SLC24A3: variants seen among roughly 807,000 people sequenced by gnomAD.
The protein encoded by SLC24A3 is solute carrier family 24 member 3.
In SLC24A3, 28 loss-of-function variants were observed where a neutral mutation model predicts 75.8. The observed-to-expected ratio is 0.37, with a 90% CI of 0.27 to 0.51. The LOEUF (loss-of-function observed/expected upper bound fraction) is 0.51. SLC24A3 is among the 20% of genes least tolerant of loss of function. The pLI is 0.94. For synonymous variants in SLC24A3, 372 were observed against 334.1 expected (o/e 1.11, Z -1.24); for missense variants, 663 against 847.8 (o/e 0.78, Z 2.71).
intron 1 of SLC24A3, among the ~76,000 whole-genome samples, chr20:19,235,831 C>G (rs990054290): frequency 2.0e-5 from 3 of 152,212 alleles, no homozygotes; most frequent in African/African-American, 7.2e-5. Flanking sequence ...CAGCCTGCAC[C>G]TGGAGCCTCC....
At chr20:19,698,758 T>C (rs2032840079) in intron 15 of SLC24A3, 78 bp downstream of exon 15, 2 of 1,128,500 alleles carry the variant, frequency 1.8e-6, no homozygotes, top group Admixed American at 2.1e-5. Context: ...CCACAGGGTC[T>C]TTGTCTCGGG....
intron 2 of SLC24A3, among the ~76,000 whole-genome samples, chr20:19,513,146 G>A (rs571916861): frequency 6.6e-6 from 1 of 152,328 alleles, no homozygotes; most frequent in Admixed American, 6.5e-5. Flanking sequence ...CTCCAGGAGA[G>A]TGGCAGCTGA....
At chr20:19,443,577 T>G (rs1987329995) in intron 2 of SLC24A3, among the ~76,000 whole-genome samples, 1 of 152,198 alleles carries the variant, frequency 6.6e-6, no homozygotes. Flanking sequence ...TTGTTGTTGA[T>G]TCTTTGGAAT....
chr20:19,654,435 C>T (rs2032241871), intron 7 of SLC24A3, among the ~76,000 whole-genome samples: 2 of 151,874 alleles, frequency 1.3e-5, no homozygotes, highest in South Asian at 4.2e-4. Flanking sequence ...GCGTCCCTAG[C>T]TTTGGACATC....
intron 2 of SLC24A3, among the ~76,000 whole-genome samples, chr20:19,410,954 C>T (rs1041717233): frequency 6.6e-6 from 1 of 152,188 alleles, no homozygotes; most frequent in Non-Finnish European, 1.5e-5. Context: ...CTGGAAACAT[C>T]CCAGCCTTTT....
intron 1 of SLC24A3, among the ~76,000 whole-genome samples, chr20:19,228,986 A>G (rs972476791): frequency 2.0e-5 from 3 of 152,218 alleles, no homozygotes; most frequent in African/African-American, 7.2e-5. Flanking sequence ...AATTATTTGT[A>G]TATTGAAAAT....
intron 1 of SLC24A3, among the ~76,000 whole-genome samples, chr20:19,251,256 G>A (rs1252656865): frequency 6.6e-6 from 1 of 152,220 alleles, no homozygotes; most frequent in Non-Finnish European, 1.5e-5. Context: ...TTGGGTTGGA[G>A]GTGCCCCTCC....
chr20:19,298,811 G>C (rs6045976), intron 2 of SLC24A3, among the ~76,000 whole-genome samples: 79,855 of 152,014 alleles, frequency 0.53, 23,142 homozygotes, highest in African/African-American at 0.77. Flanking sequence ...GGCTGGGGTC[G>C]CCAGGATACA....
intron 2 of SLC24A3, among the ~76,000 whole-genome samples, chr20:19,495,909 A>G (rs1988277880): frequency 6.6e-6 from 1 of 152,168 alleles, no homozygotes; most frequent in South Asian, 2.1e-4. Context: ...ACACCAATAC[A>G]TAGCCACACA....
intron 2 of SLC24A3, among the ~76,000 whole-genome samples, chr20:19,308,602 C>T (rs182287348): frequency 6.6e-4 from 101 of 152,296 alleles, no homozygotes; most frequent in Non-Finnish European, 1.2e-3. Context: ...AGATTCTATA[C>T]TTGATGCACT....
At chr20:19,667,482 C>T (rs376774974) in intron 8 of SLC24A3, among the ~76,000 whole-genome samples, 10 of 152,326 alleles carry the variant, frequency 6.6e-5, no homozygotes, top group South Asian at 2.1e-4. Context: ...ACCACTGCTC[C>T]GCCTTAGCAA....
intron 2 of SLC24A3, among the ~76,000 whole-genome samples, chr20:19,496,947 T>A (rs1369681910): frequency 6.6e-6 from 1 of 152,210 alleles, no homozygotes; most frequent in Non-Finnish European, 1.5e-5. Flanking sequence ...TTCTTTCTGT[T>A]GTAAGCTGAG....
chr20:19,685,239 A>T lies in SLC24A3; in HGVS notation c.1202A>T (p.Asp401Val). 3 of 1,614,164 alleles carry T rather than the reference A, an allele frequency of 1.9e-6. No individual in the cohort carries two copies. The highest frequency in any genetic ancestry group is 2.5e-6 in the Non-Finnish European group (3 of 1,180,036). The change falls in exon 12 of 17, where the codon GAC (aspartate) becomes GTC (valine). Residue 401 changes from aspartate (D) to valine (V), a missense_variant. Physicochemically the swap from Asp to Val is radical, Grantham distance 152. Transcript: ENST00000328041. Reference protein sequence around the residue: ...PDRGVNGTRRDDVVAEAGNET... With the variant: ...PDRGVNGTRRVDVVAEAGNET... ...AGGGGCGTGAATGGGACACGGAGGGACGATGTTGTGGCTGAGGCTGGCAAC... is the reference window on the plus strand; with the variant it reads ...AGGGGCGTGAATGGGACACGGAGGGTCGATGTTGTGGCTGAGGCTGGCAAC...
At chr20:19,409,352 G>A (rs1299595869) in intron 2 of SLC24A3, among the ~76,000 whole-genome samples, 1 of 152,184 alleles carries the variant, frequency 6.6e-6, no homozygotes, top group African/African-American at 2.4e-5. Flanking sequence ...GAGTGCAGAT[G>A]TTGACACTGA....
At chr20:19,407,417 G>A (rs1257835750) in intron 2 of SLC24A3, among the ~76,000 whole-genome samples, 1 of 152,222 alleles carries the variant, frequency 6.6e-6, no homozygotes, top group Non-Finnish European at 1.5e-5. Context: ...TGATGCTGCA[G>A]CTCCTGCTGC....
chr20:19,458,610 A>G lies in SLC24A3; in HGVS notation c.272-56878A>G, dbSNP rs999325686. Among the ~76,000 whole-genome samples the G allele has an allele frequency of 6.6e-5, 10 of 152,328 alleles. No individual in the cohort carries two copies. In the South Asian group the frequency reaches 1.9e-3, roughly 28 times the overall value. ...AATTTGACTACTCTAGGTACCTCAT[A>G]TAAGTGGAATCATACAGTATTAGTC... On this transcript the variant is annotated intron_variant, in intron 2 of 16. Transcript: ENST00000328041.
chr20:19,342,666 T>C (rs566117225), intron 2 of SLC24A3, among the ~76,000 whole-genome samples: 2 of 152,346 alleles, frequency 1.3e-5, no homozygotes, highest in African/African-American at 4.8e-5. Flanking sequence ...TTTATTTTCA[T>C]CTTTGTATCT....
chr20:19,250,141 T>C (rs534374042), intron 1 of SLC24A3, among the ~76,000 whole-genome samples: 1 of 152,336 alleles, frequency 6.6e-6, no homozygotes, highest in East Asian at 1.9e-4. Flanking sequence ...CACTGGGTGC[T>C]GGCATATTTG....
intron 6 of SLC24A3, among the ~76,000 whole-genome samples, chr20:19,619,195 C>T (rs980953818): frequency 6.6e-6 from 1 of 152,202 alleles, no homozygotes; most frequent in Non-Finnish European, 1.5e-5. Flanking sequence ...CCTTGCATGG[C>T]TCCCAGGCTA....
Sources: gnomAD v4.1 joint callset for allele counts (sites outside exome capture counted in the v4.1 genomes callset) on GRCh38, gnomAD v4.1.1 for gene constraint, MANE v1.5 for transcripts, NCBI Gene and HGNC (gene_info 2026-07-23, HGNC 2026-07-21) for gene names.